VRTN: variants seen among roughly 807,000 people sequenced by gnomAD.
VRTN encodes vertnin.
In VRTN, 5 loss-of-function variants were observed where a neutral mutation model predicts 18.2. The observed-to-expected ratio is 0.27, with a 90% CI of 0.14 to 0.58. The LOEUF (loss-of-function observed/expected upper bound fraction) is 0.58. Ranked by LOEUF, VRTN falls within the 20% of genes least tolerant of loss-of-function variation. The pLI is 0.91. For missense variants in VRTN, 741 were observed against 939.4 expected, an observed-to-expected ratio of 0.79 and a Z score of 2.76; for synonymous variants, 381 against 393.7, an observed-to-expected ratio of 0.97 and a Z score of 0.38.
chr14:74,347,336 G>A (rs915654904), upstream of VRTN, among the ~76,000 whole-genome samples: 4 of 152,214 alleles, frequency 2.6e-5, no homozygotes, highest in African/African-American at 7.2e-5. Flanking sequence ...GGTGGGTGGG[G>A]CGGGTGTGAT....
At chr14:74,351,495 G>T (rs935391973) in intron 1 of VRTN, among the ~76,000 whole-genome samples, 1 of 89,692 alleles carries the variant, frequency 1.1e-5, no homozygotes, top group Non-Finnish European at 2.2e-5. Flanking sequence ...TGATTACCAG[G>T]TTTTTTTTTT....
intron 1 of VRTN, among the ~76,000 whole-genome samples, chr14:74,318,704 G>A (rs1216430204): frequency 2.1e-5 from 3 of 145,118 alleles, no homozygotes; most frequent in African/African-American, 7.8e-5. Context: ...GAGCCACCGT[G>A]TCCGGCCTTT....
intron 2 of VRTN, among the ~76,000 whole-genome samples, chr14:74,338,238 C>A (rs1006777678): frequency 3.9e-5 from 6 of 152,248 alleles, no homozygotes; most frequent in African/African-American, 1.4e-4. Context: ...TTCACACTTA[C>A]CCCTAAGTGA....
chr14:74,339,402 C>G (rs1476480082), intron 2 of VRTN, among the ~76,000 whole-genome samples: 1 of 151,954 alleles, frequency 6.6e-6, no homozygotes, highest in African/African-American at 2.4e-5. Flanking sequence ...TTGGTAGTCA[C>G]CAAGGGACTC....
At chr14:74,323,354 C>T (rs1053782189) in intron 1 of VRTN, among the ~76,000 whole-genome samples, 16 of 150,716 alleles carry the variant, frequency 1.1e-4, no homozygotes, top group African/African-American at 2.4e-4. Flanking sequence ...GAGGCCGAGG[C>T]GGGCAGATCG....
rs987587586 is a variant in VRTN at position 74,320,423 on chromosome 14, C to T, written c.-164+17247C>T. On this transcript the variant is annotated intron_variant, in intron 1 of 2. Transcript: ENST00000557177. ...CTACAGGCGCCCGCCGCCACCACGC[C>T]GGCTAAATTTTTGTATTTTTAGTAG... 1.1e-4 allele frequency among the ~76,000 whole-genome samples: 17 copies of T among 150,320 alleles called. No homozygotes were observed. In the East Asian group the frequency reaches 2.0e-3, roughly 17 times the overall value.
chr14:74,328,647 C>T (rs778857792), intron 1 of VRTN, among the ~76,000 whole-genome samples: 3 of 152,260 alleles, frequency 2.0e-5, no homozygotes, highest in Middle Eastern at 3.4e-3. Context: ...TGTTAAAAAA[C>T]GAGGTAATTT....
intron 1 of VRTN, among the ~76,000 whole-genome samples, chr14:74,311,016 G>C (rs1469424264): frequency 1.3e-5 from 2 of 152,048 alleles, no homozygotes; most frequent in Non-Finnish European, 2.9e-5. Flanking sequence ...CTGTAAATGA[G>C]GGTAATAATA....
At position 74,358,949 on chromosome 14, in the gene VRTN, A is replaced by C; in HGVS notation, c.*57A>C. ...GGGACCAGTTTGGAGAGGGTCAGGG[A>C]CCTGAGCTGACCCCAGGCTTGGCCA... On this transcript the variant is annotated 3_prime_UTR_variant, in exon 2 of 2. Coordinates refer to ENST00000256362, the MANE Select transcript of VRTN (RefSeq NM_018228.3). The surrounding 1 kb of genome is among the most constrained non-coding windows in gnomAD (Gnocchi z 5.4). 1 of 1,533,870 alleles carries C rather than the reference A, an allele frequency of 6.5e-7. No homozygotes were observed. Among genetic ancestry groups the C allele is most frequent in the Non-Finnish European group, 8.8e-7 (1 of 1,140,628 alleles).
chr14:74,316,866 T>C (rs2085422100), intron 1 of VRTN, among the ~76,000 whole-genome samples: 1 of 151,966 alleles, frequency 6.6e-6, no homozygotes, highest in Non-Finnish European at 1.5e-5. Context: ...CTCGATTTCC[T>C]GACCTCGTGA....
intron 1 of VRTN, among the ~76,000 whole-genome samples, chr14:74,331,098 A>T (rs896843565): frequency 1.3e-5 from 2 of 151,964 alleles, no homozygotes; most frequent in African/African-American, 4.8e-5. Context: ...GCTACTCGGG[A>T]GGCTGAGGCA....
intron 1 of VRTN, among the ~76,000 whole-genome samples, chr14:74,355,162 T>A (rs1012178404): frequency 2.8e-5 from 4 of 144,262 alleles, no homozygotes; most frequent in Non-Finnish European, 3.1e-5. Flanking sequence ...AAAAAAAAAA[T>A]TGTCACCACT....
In VRTN at chr14:74,358,121, G is replaced by A. The variant is rs749330023; in HGVS notation, c.1338G>A (p.Arg446=). 6 of 1,613,970 alleles carry A rather than the reference G, an allele frequency of 3.7e-6. No individual in the cohort carries two copies. The highest frequency in any genetic ancestry group is 3.3e-5 in the Admixed American group (2 of 60,012). Residue 446 remains arginine (R), a synonymous_variant, in exon 2 of 2, where the codon AGG becomes AGA. Transcript: ENST00000256362. This position sits in a 1 kb window ranked among gnomAD's most constrained non-coding sequence, Gnocchi z 5.4. ...ATTGGCGGCGAAAGGCCCTCCGGAG[G>A]AACCCCAGCTTCAAGCCGGCACCAG... ...YYNWRRKALR[R]NPSFKPAPAL...
rs2085525345 is a variant in VRTN at position 74,331,547 on chromosome 14, TA to T, written c.-163-6175del. 2.2e-4 allele frequency among the ~76,000 whole-genome samples: 6 copies of T among 26,724 alleles called. No homozygotes were observed. The South Asian group carries it at 9.6e-3, about 43-fold the overall frequency. The allele number at this position is 26,724 out of a possible 152,430, so 17.5% of individuals were successfully genotyped here. The stretch of plus-strand genomic sequence containing the variant: ...TCCATCTCAAAAAAAAAAAATTTTA[TA>T]TATATATATATATATATATATATAT... On this transcript the variant is annotated intron_variant, in intron 1 of 2. Transcript: ENST00000557177.
At chr14:74,335,294 T>C (rs140637098) in intron 1 of VRTN, among the ~76,000 whole-genome samples, 2 of 152,166 alleles carry the variant, frequency 1.3e-5, no homozygotes, top group East Asian at 1.9e-4. Context: ...AACTGGATAA[T>C]AGAATATGGG....
intron 1 of VRTN, among the ~76,000 whole-genome samples, chr14:74,350,752 T>C (rs1192792634): frequency 6.6e-6 from 1 of 152,168 alleles, no homozygotes; most frequent in Non-Finnish European, 1.5e-5. Context: ...ATCCTGTAGA[T>C]AGCGTAGGTG....
intron 1 of VRTN, among the ~76,000 whole-genome samples, chr14:74,322,437 A>G: frequency 6.6e-6 from 1 of 152,196 alleles, no homozygotes. Flanking sequence ...GGCATGAGCC[A>G]CTGCACCTGG....
intron 1 of VRTN, among the ~76,000 whole-genome samples, chr14:74,312,459 C>T (rs1240171030): frequency 6.6e-6 from 1 of 151,768 alleles, no homozygotes; most frequent in Non-Finnish European, 1.5e-5. Flanking sequence ...TTTAATCTCT[C>T]TTTTTTTTCA....
At chr14:74,338,692 C>A (rs1467389397) in intron 2 of VRTN, among the ~76,000 whole-genome samples, 1 of 151,072 alleles carries the variant, frequency 6.6e-6, no homozygotes, top group Admixed American at 6.6e-5. Flanking sequence ...GTAGCTGGGA[C>A]TATAGTTGCA....
Sources: gnomAD v4.1 joint callset for allele counts (sites outside exome capture counted in the v4.1 genomes callset) on GRCh38, gnomAD v4.1.1 for gene constraint, Gnocchi (gnomAD v3.1) non-coding constraint, MANE v1.5 for transcripts, NCBI Gene and HGNC (gene_info 2026-07-23, HGNC 2026-07-21) for gene names.